The following P2RX3 variants were observed in gnomAD, a reference collection of about 807,000 sequenced individuals.
P2RX3 encodes purinergic receptor P2X 3.
A neutral mutation model predicts 51.5 loss-of-function variants in P2RX3; 41 were observed. The ratio of observed to expected loss-of-function variants is 0.80; its 90% confidence interval spans 0.62 to 1.03. The LOEUF (loss-of-function observed/expected upper bound fraction) is 1.03. Ranked by LOEUF, P2RX3 falls within the 50% of genes least tolerant of loss-of-function variation. The pLI is 0.00. For missense variants in P2RX3, 459 were observed against 522.1 expected (o/e 0.88, Z 1.18); for synonymous variants, 185 against 191.6 (o/e 0.97, Z 0.29).
rs1856861940 is a variant in P2RX3, at chr11:57,370,088, CT to C, written c.*92del. ...CAAGGGGCATGGGAGGGAAGAGGGG[CT>C]CTCATTTCTGCTGCTCATTCCATGA... is the stretch of plus-strand genomic sequence containing the variant. On this transcript the variant is annotated 3_prime_UTR_variant, in exon 12 of 12. Coordinates refer to ENST00000263314, the MANE Select transcript of P2RX3 (RefSeq NM_002559.5). The C allele has an allele frequency of 1.1e-6, 1 of 880,158 alleles. No individual in the cohort carries two copies. Among genetic ancestry groups the C allele is most frequent in the Admixed American group, 2.3e-5 (1 of 43,254 alleles). The allele number at this position is 880,158 out of a possible 1,614,324, so 54.5% of individuals were successfully genotyped here. A position where few individuals can be genotyped will look rare whatever the true frequency, so the allele number is the denominator to read the frequency against.
chr11:57,356,274 T>C (rs1043170405), intron 8 of P2RX3, among the ~76,000 whole-genome samples: 6 of 151,956 alleles, frequency 3.9e-5, no homozygotes, highest in Admixed American at 1.3e-4. Context: ...CGCCATCACA[T>C]GGCCTGCAAA....
chr11:57,369,666 C>T (rs1423957537), intron 11 of P2RX3, among the ~76,000 whole-genome samples: 1 of 152,120 alleles, frequency 6.6e-6, no homozygotes, highest in Non-Finnish European at 1.5e-5. Flanking sequence ...CGTCACCTCC[C>T]CTCTCCATTT....
intron 1 of P2RX3, among the ~76,000 whole-genome samples, chr11:57,342,149 T>C (rs1411687652): frequency 4.6e-4 from 2 of 4,388 alleles, no homozygotes; most frequent in Non-Finnish European, 5.3e-4. Flanking sequence ...CTGCCCCATC[T>C]TTTTTTTTTT....
At chr11:57,338,702 G>T (rs762259826) in intron 1 of P2RX3, 33 bp downstream of exon 1, 1 of 1,475,780 alleles carries the variant, frequency 6.8e-7, no homozygotes, top group East Asian at 2.3e-5. Flanking sequence ...TCCTGGCGGG[G>T]TGGGCTGCCT....
chr11:57,346,023 T>C (rs1856425223), intron 1 of P2RX3, among the ~76,000 whole-genome samples: 2 of 152,204 alleles, frequency 1.3e-5, no homozygotes, highest in African/African-American at 4.8e-5. Flanking sequence ...ATTTGTTTAC[T>C]GAGCTACTTT....
rs11229006 is a variant in P2RX3 at position 57,349,868 on chromosome 11, G to C, written c.675G>C (p.Ala225=). The C allele has an allele frequency of 8.7e-6, 14 of 1,614,198 alleles. No homozygotes were observed. In the East Asian group the frequency reaches 3.1e-4, roughly 36 times the overall value. Residue 225 remains alanine, a synonymous_variant, in exon 7 of 12, where the codon GCG becomes GCC. Coordinates refer to ENST00000263314, the MANE Select transcript of P2RX3 (RefSeq NM_002559.5). ...ILRVGDVVKF[A]GQDFAKLART... is the part of the protein sequence containing the mutation. ...GGGTAGGGGACGTGGTCAAGTTTGC[G>C]GGGCAGGATTTTGCCAAACTGGCGC...
intron 8 of P2RX3, among the ~76,000 whole-genome samples, chr11:57,365,257 C>T (rs898006067): frequency 6.6e-6 from 1 of 152,190 alleles, no homozygotes; most frequent in Non-Finnish European, 1.5e-5. Flanking sequence ...CACAAAGGTG[C>T]ATTCCAGGTA....
At chr11:57,338,698 C>A (rs1308168033) in intron 1 of P2RX3, 29 bp downstream of exon 1, 3 of 1,502,138 alleles carry the variant, frequency 2.0e-6, no homozygotes, top group Non-Finnish European at 1.8e-6. Flanking sequence ...AGGTTCCTGG[C>A]GGGGTGGGCT....
intron 8 of P2RX3, among the ~76,000 whole-genome samples, chr11:57,351,200 C>T (rs1023505530): frequency 2.6e-5 from 4 of 152,190 alleles, no homozygotes; most frequent in African/African-American, 7.2e-5. Context: ...TTTGCCTGTT[C>T]CTAACACTGG....
At chr11:57,350,121 TCA>T (rs1274417183) in intron 7 of P2RX3, among the ~76,000 whole-genome samples, 2 of 150,554 alleles carry the variant, frequency 1.3e-5, no homozygotes, top group African/African-American at 4.9e-5. Flanking sequence ...TCCTCAAGCC[TCA>T]GTTTCCCACT....
chr11:57,365,021 C>A (rs1208187859), intron 8 of P2RX3, among the ~76,000 whole-genome samples: 1 of 152,214 alleles, frequency 6.6e-6, no homozygotes, highest in Non-Finnish European at 1.5e-5. Context: ...TCGTTCTCAG[C>A]CTTACTCGAG....
chr11:57,348,746 C>A, intron 6 of P2RX3, 42 bp downstream of exon 6: 3 of 1,452,170 alleles, frequency 2.1e-6, no homozygotes, highest in Middle Eastern at 1.7e-4. Context: ...TGCAGGCACC[C>A]CCGGCCCTGC....
intron 6 of P2RX3, 79 bp downstream of exon 6, chr11:57,348,783 G>A (rs1856490427): frequency 4.0e-6 from 4 of 989,996 alleles, no homozygotes; most frequent in Admixed American, 3.7e-5. Flanking sequence ...AAGTGGAGAT[G>A]CCCCCTCGCC....
rs200541015 is a variant in P2RX3, at chr11:57,348,299, C to T, written c.485+36C>T. On this transcript the variant is annotated intron_variant, in intron 5 of 11. Coordinates refer to ENST00000263314, the MANE Select transcript of P2RX3 (RefSeq NM_002559.5). ...AAGCCAGACAGGAGGAGACAGGCCCCCACCTCAGCTCCCCTTTGCCCATGT... is the reference window on the plus strand; with the variant it reads ...AAGCCAGACAGGAGGAGACAGGCCCTCACCTCAGCTCCCCTTTGCCCATGT... The T allele has an allele frequency of 4.1e-5, 63 of 1,542,202 alleles. 2 individuals carry two copies. In the Admixed American group the frequency reaches 1.1e-3, roughly 27 times the overall value.
chr11:57,351,805 G>A (rs1259493945), intron 8 of P2RX3, among the ~76,000 whole-genome samples: 1 of 152,184 alleles, frequency 6.6e-6, no homozygotes, highest in African/African-American at 2.4e-5. Context: ...AGTTCTCAAA[G>A]TGTAGACTAC....
intron 8 of P2RX3, among the ~76,000 whole-genome samples, chr11:57,356,715 G>T (rs1856636843): frequency 6.6e-6 from 1 of 152,194 alleles, no homozygotes; most frequent in African/African-American, 2.4e-5. Flanking sequence ...AAAAGCCATA[G>T]AATATGCGTT....
intron 8 of P2RX3, among the ~76,000 whole-genome samples, chr11:57,365,066 T>C (rs1856777959): frequency 3.3e-5 from 5 of 152,170 alleles, no homozygotes; most frequent in Admixed American, 3.3e-4. Flanking sequence ...CCAGCTCTGC[T>C]TGTGCCCACG....
At chr11:57,364,505 T>G (rs1283025212) in intron 8 of P2RX3, among the ~76,000 whole-genome samples, 1 of 152,202 alleles carries the variant, frequency 6.6e-6, no homozygotes, top group Admixed American at 6.5e-5. Context: ...TCCTATATTG[T>G]TGGTGCTCTA....
At position 57,371,233 on chromosome 11, in the gene P2RX3, G is replaced by C. The variant is rs1439132850; in HGVS notation, c.*1236G>C. On this transcript the variant is annotated 3_prime_UTR_variant, in exon 12 of 12. Transcript: ENST00000263314. Reference sequence around the variant, plus strand: ...CCCTTTCTGTCCTCTCCTACAGTGAGAGGCCCAGAAATTGCCCCAGGGCAG... The same window carrying C: ...CCCTTTCTGTCCTCTCCTACAGTGACAGGCCCAGAAATTGCCCCAGGGCAG... 6.6e-6 allele frequency among the ~76,000 whole-genome samples: 1 copy of C among 152,210 alleles called. No individual in the cohort carries two copies. Among genetic ancestry groups the C allele is most frequent in the South Asian group, 2.1e-4 (1 of 4,832 alleles).
Sources: allele counts gnomAD v4.1 joint callset (sites outside exome capture counted in the v4.1 genomes callset), GRCh38; gene constraint gnomAD v4.1.1; transcripts MANE v1.5; gene names NCBI Gene and HGNC (gene_info 2026-07-23, HGNC 2026-07-21).